TMEM232: variants seen among roughly 807,000 people sequenced by gnomAD.
TMEM232 encodes transmembrane protein 232.
A neutral mutation model predicts 78.8 loss-of-function variants in TMEM232; 80 were observed. That is an observed-to-expected ratio of 1.01 (90% confidence interval 0.85 to 1.22). The LOEUF (loss-of-function observed/expected upper bound fraction) is 1.22, where lower values mean the gene tolerates loss of function less well. Among genes scored for constraint, TMEM232 ranks in the 50% most tolerant of loss-of-function variants. TMEM232 has a pLI of 0.00. For missense variants in TMEM232, 881 were observed against 742.2 expected (o/e 1.19, Z -2.17); for synonymous variants, 297 against 254.3 (o/e 1.17, Z -1.60).
intron 8 of TMEM232, among the ~76,000 whole-genome samples, chr5:110,612,928 G>C (rs892471153): frequency 6.6e-6 from 1 of 152,050 alleles, no homozygotes; most frequent in East Asian, 1.9e-4. Context: ...CAAACCACAG[G>C]GTGGAGCATT....
intron 12 of TMEM232, among the ~76,000 whole-genome samples, chr5:110,473,618 G>A (rs916644726): frequency 2.6e-5 from 4 of 151,050 alleles, no homozygotes; most frequent in African/African-American, 9.7e-5. Context: ...AGTACCACAT[G>A]ATCTAGCAAT....
At chr5:110,560,104 T>C (rs777170071) in intron 11 of TMEM232, among the ~76,000 whole-genome samples, 5 of 152,190 alleles carry the variant, frequency 3.3e-5, no homozygotes, top group Non-Finnish European at 5.9e-5. Context: ...ATTAGGACTA[T>C]AACATCTCTT....
chr5:110,707,817 CCAGCT>C (rs1279909619), intron 1 of TMEM232, among the ~76,000 whole-genome samples: 2 of 152,134 alleles, frequency 1.3e-5, no homozygotes, highest in East Asian at 3.9e-4. Flanking sequence ...ATCTTGGATA[CCAGCT>C]CAGCCACAAT....
At chr5:110,554,967 T>C (rs116064787) in intron 11 of TMEM232, among the ~76,000 whole-genome samples, 1,639 of 152,200 alleles carry the variant, frequency 0.011, 22 homozygotes, top group Non-Finnish European at 0.014. Context: ...TGATCATTTG[T>C]ATGGATTTTT....
intron 12 of TMEM232, among the ~76,000 whole-genome samples, chr5:110,462,830 A>C (rs961972114): frequency 1.2e-4 from 18 of 152,212 alleles, no homozygotes; most frequent in African/African-American, 4.1e-4. Context: ...TGGAAATAGC[A>C]GAATTAAAAT....
chr5:110,564,551 A>G (rs1396586265), intron 11 of TMEM232, among the ~76,000 whole-genome samples: 1 of 151,976 alleles, frequency 6.6e-6, no homozygotes, highest in East Asian at 1.9e-4. Context: ...AGTAAGATAG[A>G]CCAATAATTT....
upstream of TMEM232, chr5:110,738,142 C>A: frequency 9.2e-7 from 1 of 1,091,438 alleles, no homozygotes; most frequent in Non-Finnish European, 1.2e-6. Context: ...CTCTAGGAAT[C>A]CTGGGCTTCC....
intron 1 of TMEM232, among the ~76,000 whole-genome samples, chr5:110,670,372 C>G (rs1024379975): frequency 6.6e-6 from 1 of 152,142 alleles, no homozygotes. Context: ...TGAGTGAACT[C>G]CCATTCACAA....
At chr5:110,623,098 A>G (rs1783983389) in intron 7 of TMEM232, among the ~76,000 whole-genome samples, 1 of 152,138 alleles carries the variant, frequency 6.6e-6, no homozygotes, top group Admixed American at 6.6e-5. Context: ...TGCTATCCAA[A>G]GAGCTAATTA....
intron 11 of TMEM232, among the ~76,000 whole-genome samples, chr5:110,551,878 T>C (rs937744246): frequency 2.0e-5 from 3 of 152,126 alleles, no homozygotes; most frequent in Non-Finnish European, 2.9e-5. Flanking sequence ...CAACCTAGAA[T>C]TCTATATGCA....
At chr5:110,462,074 G>T (rs1170617674) in intron 12 of TMEM232, among the ~76,000 whole-genome samples, 1 of 152,158 alleles carries the variant, frequency 6.6e-6, no homozygotes, top group African/African-American at 2.4e-5. Context: ...AATACATTTT[G>T]TAAGACTGTA....
chr5:110,554,296 T>A (rs1774812557), intron 11 of TMEM232, among the ~76,000 whole-genome samples: 1 of 152,070 alleles, frequency 6.6e-6, no homozygotes, highest in South Asian at 2.1e-4. Context: ...CCAGACTACA[T>A]CTTTCTCCTG....
chr5:110,718,841 A>G (rs994408742), intron 1 of TMEM232, among the ~76,000 whole-genome samples: 1 of 151,984 alleles, frequency 6.6e-6, no homozygotes, highest in Admixed American at 6.6e-5. Flanking sequence ...TGTATCTTCA[A>G]GTACACTGAT....
rs1345051149 is a variant in TMEM232, at chr5:110,468,579, C to A, written c.1704-43663G>T. On this transcript the variant is annotated intron_variant, in intron 12 of 13. Transcript: ENST00000455884. ...AATGTTAAATGAAACATTGGAAATT[C>A]TATTCGAATGATATATAAAAACCAC... Among the ~76,000 whole-genome samples the A allele has an allele frequency of 2.0e-5, 3 of 151,888 alleles. No individual in the cohort carries two copies. The East Asian group carries it at 5.8e-4, about 29-fold the overall frequency.
At chr5:110,416,723 T>C (rs1348825892), downstream of TMEM232, among the ~76,000 whole-genome samples, 3 of 152,318 alleles carry the variant, frequency 2.0e-5, no homozygotes, top group Middle Eastern at 3.4e-3. Flanking sequence ...ATCAATTACT[T>C]AAATTATAAT....
In TMEM232 at chr5:110,627,809, A is replaced by C. The variant is rs61732341; in HGVS notation, c.573T>G (p.His191Gln). ...ATAAATATGGTTGAAGCCTAAGTAA[A>C]TGTTGTTTAAAACTTTCTAGATGAC... ...LHGHLESFKQ[H>Q]LLRLQPYLYA... is the part of the protein sequence containing the mutation. Residue 191 changes from histidine (H) to glutamine (Q), a missense_variant, in exon 6 of 14, where the codon CAT becomes CAG. Transcript: ENST00000455884. The C allele has an allele frequency of 9.8e-3, 15,016 of 1,531,160 alleles. 371 individuals are homozygous for C. The highest frequency in any genetic ancestry group is 0.091 in the African/African-American group (6,528 of 71,618). 94.8% of individuals were successfully genotyped at this position (1,531,160 alleles called of 1,614,324 possible). A position where few individuals can be genotyped will look rare whatever the true frequency, so the allele number is the denominator to read the frequency against.
intron 10 of TMEM232, among the ~76,000 whole-genome samples, chr5:110,592,210 C>T (rs754909639): frequency 4.6e-5 from 7 of 151,968 alleles, no homozygotes; most frequent in Non-Finnish European, 1.0e-4. Context: ...AAACATGAAG[C>T]GGAAATCAAA....
At chr5:110,559,567 CA>C (rs1192468967) in intron 11 of TMEM232, among the ~76,000 whole-genome samples, 1 of 152,036 alleles carries the variant, frequency 6.6e-6, no homozygotes, top group Non-Finnish European at 1.5e-5. Flanking sequence ...GATAAGCAAA[CA>C]AAAGGATGCT....
intron 1 of TMEM232, among the ~76,000 whole-genome samples, chr5:110,692,410 G>A (rs1292012861): frequency 6.6e-6 from 1 of 152,220 alleles, no homozygotes; most frequent in African/African-American, 2.4e-5. Context: ...ATATCCAACT[G>A]AGGTACCGGG....
Sources: allele counts gnomAD v4.1 joint callset (sites outside exome capture counted in the v4.1 genomes callset), GRCh38; gene constraint gnomAD v4.1.1; transcripts MANE v1.5; gene names NCBI Gene and HGNC (gene_info 2026-07-23, HGNC 2026-07-21).